TESC: variants seen among roughly 807,000 people sequenced by gnomAD.
TESC encodes the protein calcineurin B homologous protein 3.
Under a neutral mutation model 31.0 loss-of-function variants are expected in TESC, and 19 were observed. That is an observed-to-expected ratio of 0.61 (90% CI 0.43 to 0.90). TESC has a LOEUF of 0.90. TESC is among the 40% of genes least tolerant of loss of function. The pLI is 0.00. For missense variants in TESC, 248 were observed against 303.8 expected (o/e 0.82, Z 1.36); for synonymous variants, 109 against 114.8 (o/e 0.95, Z 0.32).
At chr12:117,075,923 G>GTGTGTATA (rs1280720061) in intron 1 of TESC, among the ~76,000 whole-genome samples, 7 of 68,694 alleles carry the variant, frequency 1.0e-4, no homozygotes, top group Non-Finnish European at 1.8e-4. Context: ...ATGTGTGTGT[G>GTGTGTATA]TATATATATA....
At position 117,090,176 on chromosome 12, in the gene TESC, C is replaced by A. The variant is rs188667652; in HGVS notation, c.58+9049G>T. On this transcript the variant is annotated intron_variant, in intron 1 of 7. Transcript: ENST00000335209. ...TCACTGAAAAATCTACAGAAACATG[C>A]ATTAAATAAGAAAACTATATCCATA... Among the ~76,000 whole-genome samples the A allele has an allele frequency of 2.6e-3, 389 of 152,212 alleles. 2 individuals are homozygous for A. The highest frequency in any genetic ancestry group is 3.6e-3 in the Non-Finnish European group (246 of 68,016).
At chr12:117,073,061 T>C (rs1954995462) in intron 2 of TESC, among the ~76,000 whole-genome samples, 2 of 152,206 alleles carry the variant, frequency 1.3e-5, no homozygotes, top group Admixed American at 1.3e-4. Flanking sequence ...AGTGTCCATA[T>C]ATGCCACCTC....
intron 1 of TESC, among the ~76,000 whole-genome samples, chr12:117,079,161 T>C (rs1244809446): frequency 2.6e-5 from 4 of 152,166 alleles, no homozygotes; most frequent in African/African-American, 9.7e-5. Context: ...TTTTTTTATT[T>C]GTCTGTCTCC....
chr12:117,078,208 C>T (rs1261083396), intron 1 of TESC, among the ~76,000 whole-genome samples: 1 of 152,178 alleles, frequency 6.6e-6, no homozygotes, highest in Non-Finnish European at 1.5e-5. Context: ...TGGCTCACGC[C>T]TGGAATCCCA....
Position 117,060,063 on chromosome 12 carries a change from G to A in TESC, c.129-3177C>T, listed in dbSNP as rs1298474007. Among the ~76,000 whole-genome samples the A allele has an allele frequency of 3.3e-5, 5 of 152,196 alleles. No individual in the cohort carries two copies. In the East Asian group the frequency reaches 7.7e-4, roughly 23 times the overall value. On this transcript the variant is annotated intron_variant, in intron 2 of 7. Coordinates refer to ENST00000335209, the MANE Select transcript of TESC (RefSeq NM_017899.4). ...GTGGTTTCCAGGGGCTGGGGACGGG[G>A]TGATGGCTAACGGGTGCAGAGCTTC...
chr12:117,073,236 C>T (rs1954999259), intron 2 of TESC, among the ~76,000 whole-genome samples: 1 of 152,166 alleles, frequency 6.6e-6, no homozygotes, highest in African/African-American at 2.4e-5. Context: ...TAGGGGAAAA[C>T]ATTTGCATGT....
chr12:117,088,944 G>C (rs1425236730), intron 1 of TESC, among the ~76,000 whole-genome samples: 1 of 152,220 alleles, frequency 6.6e-6, no homozygotes, highest in African/African-American at 2.4e-5. Flanking sequence ...GGCTCCAACA[G>C]CTAAGGGTGG....
chr12:117,078,758 T>C (rs912193678), intron 1 of TESC, among the ~76,000 whole-genome samples: 1 of 152,182 alleles, frequency 6.6e-6, no homozygotes, highest in Non-Finnish European at 1.5e-5. Context: ...TAATAATAAT[T>C]ATTTCTCATC....
In TESC at chr12:117,039,219, G is replaced by A. The variant is rs946144105; in HGVS notation, c.568-9C>T. ...TCGATCCCCTGCCAGATCTGGAAGG[G>A]ACGGAGCAGCGTTAAGGGCACGTTC... On this transcript the variant is annotated splice_polypyrimidine_tract_variant and intron_variant, in intron 7 of 7. Coordinates refer to ENST00000335209, the MANE Select transcript of TESC (RefSeq NM_017899.4). 2.5e-6 allele frequency: 4 copies of A among 1,612,694 alleles called. No individual in the cohort carries two copies. The African/African-American group carries it at 5.3e-5, about 22-fold the overall frequency.
chr12:117,068,042 C>T (rs1355408328), intron 2 of TESC, among the ~76,000 whole-genome samples: 2 of 152,186 alleles, frequency 1.3e-5, no homozygotes, highest in African/African-American at 4.8e-5. Context: ...CAGGTGCATG[C>T]CACCATGCCC....
chr12:117,087,603 A>C (rs1322379071), intron 1 of TESC, among the ~76,000 whole-genome samples: 4 of 152,216 alleles, frequency 2.6e-5, no homozygotes, highest in African/African-American at 9.6e-5. Flanking sequence ...TAAAAATCAC[A>C]GTCTGTTTCG....
intron 2 of TESC, among the ~76,000 whole-genome samples, chr12:117,062,901 A>C (rs1023190526): frequency 1.3e-5 from 2 of 152,148 alleles, no homozygotes; most frequent in Admixed American, 6.5e-5. Context: ...CACTGCCCTC[A>C]GCCAGAGCTG....
intron 1 of TESC, among the ~76,000 whole-genome samples, chr12:117,078,576 G>A (rs1264259718): frequency 2.6e-5 from 4 of 152,098 alleles, no homozygotes; most frequent in African/African-American, 7.2e-5. Context: ...TTGTTTTTAG[G>A]TATACTGCCT....
chr12:117,086,715 G>A (rs1955224077), intron 1 of TESC, among the ~76,000 whole-genome samples: 1 of 152,176 alleles, frequency 6.6e-6, no homozygotes, highest in African/African-American at 2.4e-5. Context: ...TGAGATTACA[G>A]GTGTGAGCCA....
At chr12:117,045,825 A>C (rs1954549765) in intron 6 of TESC, among the ~76,000 whole-genome samples, 2 of 152,208 alleles carry the variant, frequency 1.3e-5, no homozygotes, top group South Asian at 4.1e-4. Context: ...CTCAGGGAAC[A>C]CACGACACCC....
chr12:117,058,898 C>T (rs1954766320), intron 2 of TESC, among the ~76,000 whole-genome samples: 1 of 152,176 alleles, frequency 6.6e-6, no homozygotes, highest in Non-Finnish European at 1.5e-5. Flanking sequence ...CACCTGCCTG[C>T]CCTCCTCCCC....
Position 117,048,999 on chromosome 12 carries a change from G to A in TESC, c.349+20C>T, listed in dbSNP as rs201990334. 9.3e-6 allele frequency: 15 copies of A among 1,613,920 alleles called. No individual in the cohort carries two copies. The highest frequency in any genetic ancestry group is 5.5e-5 in the South Asian group (5 of 91,062). ...TGCACCCCAGGCCAGGTGTGAGCAA[G>A]GGGACTCAGTGGCACGCACATCTCA... On this transcript the variant is annotated intron_variant, in intron 4 of 7. Transcript: ENST00000335209.
At chr12:117,062,155 G>A (rs1306345972) in intron 2 of TESC, among the ~76,000 whole-genome samples, 2 of 152,132 alleles carry the variant, frequency 1.3e-5, no homozygotes, top group African/African-American at 4.8e-5. Flanking sequence ...ACTATTCTAA[G>A]AGCTTTACAT....
At chr12:117,046,979 G>T in intron 4 of TESC, 141 bp from the exon 5 acceptor site, 1 of 873,684 alleles carries the variant, frequency 1.1e-6, no homozygotes, top group Non-Finnish European at 1.8e-6. Context: ...CATGAGCTGT[G>T]GGACCAGACT....
Sources: gnomAD v4.1 joint callset for allele counts (sites outside exome capture counted in the v4.1 genomes callset) on GRCh38, gnomAD v4.1.1 for gene constraint, MANE v1.5 for transcripts, NCBI Gene and HGNC (gene_info 2026-07-23, HGNC 2026-07-21) for gene names.